The following REPS1 variants were observed in gnomAD, a reference collection of about 807,000 sequenced individuals.
REPS1 encodes ralBP1-associated Eps domain-containing protein 1.
Under a neutral mutation model 100.9 loss-of-function variants are expected in REPS1, and 39 were observed. That is an observed-to-expected ratio of 0.39 (90% CI 0.30 to 0.50). REPS1 has a LOEUF of 0.50. REPS1 is among the 20% of genes least tolerant of loss of function. The pLI is 0.86. For synonymous variants in REPS1, 324 were observed against 340.3 expected (o/e 0.95, Z 0.53); for missense variants, 821 against 968.5 (o/e 0.85, Z 2.02).
intron 8 of REPS1, among the ~76,000 whole-genome samples, 192 bp from the exon 9 acceptor site, chr6:138,930,290 C>T (rs1183649851): frequency 6.6e-6 from 1 of 152,042 alleles, no homozygotes; most frequent in Non-Finnish European, 1.5e-5. Context: ...ATGGTCTACT[C>T]AAAACCACAG....
In REPS1 at chr6:138,980,691, G is replaced by T. The variant is rs1409292802; in HGVS notation, c.153+6839C>A. Among the ~76,000 whole-genome samples the T allele has an allele frequency of 1.0e-4, 14 of 137,570 alleles. No homozygotes were observed. The South Asian group carries it at 3.0e-3, about 29-fold the overall frequency. The allele number at this position is 137,570 out of a possible 152,430, so 90.3% of individuals were successfully genotyped here. ...TTTTTTTTTGTGGGTGGGGCGGGGGGGGGGGGGAACGGAGACTTGCTCTGT... is the reference window on the plus strand; with the variant it reads ...TTTTTTTTTGTGGGTGGGGCGGGGGTGGGGGGGAACGGAGACTTGCTCTGT... On this transcript the variant is annotated intron_variant, in intron 1 of 19. Transcript: ENST00000450536.
intron 1 of REPS1, among the ~76,000 whole-genome samples, chr6:138,960,756 G>T (rs1401113698): frequency 6.6e-6 from 1 of 152,090 alleles, no homozygotes; most frequent in Non-Finnish European, 1.5e-5. Flanking sequence ...GTTGCTTAAA[G>T]GTTAATTTCA....
intron 14 of REPS1, chr6:138,915,247 C>A (rs1369744812): frequency 6.3e-6 from 1 of 159,286 alleles, no homozygotes; most frequent in African/African-American, 2.4e-5. Flanking sequence ...AGTTATGACT[C>A]TTCTTCTTCA....
intron 1 of REPS1, among the ~76,000 whole-genome samples, chr6:138,987,088 T>A: frequency 6.6e-6 from 1 of 152,228 alleles, no homozygotes. Flanking sequence ...CCTAAATCTA[T>A]AGAACTCACT....
At chr6:138,918,887 T>C (rs986355294) in intron 12 of REPS1, among the ~76,000 whole-genome samples, 2 of 152,164 alleles carry the variant, frequency 1.3e-5, no homozygotes. Context: ...CTAGAGACAA[T>C]CTGAAGGAAT....
rs1306200380 is a variant in REPS1, at chr6:138,905,146, A to G, written c.2323-14T>C. ...CTCAAGAACATCCTGAAAAAGATGC[A>G]AAGGCCAAGTTATGTTTCAAAGTAT... On this transcript the variant is annotated splice_polypyrimidine_tract_variant and intron_variant, in intron 19 of 19. Transcript: ENST00000450536. 6.6e-7 allele frequency: 1 copy of G among 1,505,434 alleles called. No individual in the cohort carries two copies. The highest frequency in any genetic ancestry group is 9.2e-7 in the Non-Finnish European group (1 of 1,081,186). The allele number at this position is 1,505,434 out of a possible 1,614,324, so 93.3% of individuals were successfully genotyped here.
intron 8 of REPS1, among the ~76,000 whole-genome samples, chr6:138,932,453 T>C (rs1781541982): frequency 7.4e-6 from 1 of 134,922 alleles, no homozygotes; most frequent in Non-Finnish European, 1.5e-5. Flanking sequence ...AGTTATTGTA[T>C]TCCTTACCCC....
chr6:138,969,883 T>G (rs1784238836), intron 1 of REPS1, among the ~76,000 whole-genome samples: 1 of 129,060 alleles, frequency 7.7e-6, no homozygotes, highest in African/African-American at 3.1e-5. Context: ...TTTTTTTTTT[T>G]TAGTAAGTAC....
At position 138,930,047 on chromosome 6, in the gene REPS1, G is replaced by T. The variant is rs1237264752; in HGVS notation, c.1187C>A (p.Ala396Asp). 1 of 1,613,384 alleles carries T rather than the reference G, an allele frequency of 6.2e-7. No homozygotes were observed. The highest frequency in any genetic ancestry group is 1.3e-5 in the African/African-American group (1 of 74,884). Residue 396 changes from alanine (A) to aspartate (D), a missense_variant, in exon 9 of 20, where the codon GCT becomes GAT. By Grantham distance (126) the Ala-to-Asp change is moderately radical (BLOSUM62 -2). This residue lies in a region of REPS1 where 757 missense variants were observed against 866.4 expected (regional missense o/e 0.87). Transcript: ENST00000450536. The stretch of plus-strand genomic sequence containing the variant: ...CATCGATGGTGACTTGCTTGGAGGA[G>T]CTTCAGCAGGAGAGCCTGAATAACC... ...EVGYSGSPAE[A>D]PPSKSPSMPS...
chr6:138,987,510 G>A lies in REPS1; in HGVS notation c.153+20C>T, dbSNP rs1389684534. On this transcript the variant is annotated intron_variant, in intron 1 of 19. Coordinates refer to ENST00000450536, the MANE Select transcript of REPS1 (RefSeq NM_001286611.2). ...GACTGCAGGCCTAAGCCGCCCGCCG[G>A]CCCCGGGACGCGACGTTACCTGTAG... is the stretch of plus-strand genomic sequence containing the variant. 6.5e-7 allele frequency: 1 copy of A among 1,543,724 alleles called. No individual in the cohort carries two copies. The highest frequency in any genetic ancestry group is 2.5e-5 in the East Asian group (1 of 40,150).
At chr6:138,927,919 T>C (rs1781242060) in intron 9 of REPS1, 1 of 152,228 alleles carries the variant, frequency 6.6e-6, no homozygotes, top group Admixed American at 6.5e-5. Context: ...ATTAACTAAC[T>C]GTGGAGAAAA....
intron 1 of REPS1, among the ~76,000 whole-genome samples, chr6:138,973,055 C>A (rs9399267): frequency 6.6e-6 from 1 of 151,878 alleles, no homozygotes; most frequent in African/African-American, 2.4e-5. Context: ...TAAAACTTAC[C>A]CTCAAATTTT....
intron 13 of REPS1, chr6:138,916,272 G>A (rs1033792660): frequency 2.9e-5 from 7 of 245,396 alleles, no homozygotes; most frequent in Non-Finnish European, 4.5e-5. Flanking sequence ...CCAGGCTGGA[G>A]TGCAGTGACA....
At chr6:138,922,004 T>TGTGTGTGTGA (rs765188933) in intron 10 of REPS1, among the ~76,000 whole-genome samples, 2 of 146,470 alleles carry the variant, frequency 1.4e-5, no homozygotes, top group African/African-American at 5.0e-5. Flanking sequence ...TGTGTGTGTG[T>TGTGTGTGTGA]GAGATTTACA....
Position 138,943,977 on chromosome 6 carries a change from A to G in REPS1, c.792T>C (p.Thr264=), listed in dbSNP as rs763569911. 3.8e-5 allele frequency: 61 copies of G among 1,613,856 alleles called. No individual in the cohort carries two copies. In the African/African-American group the frequency reaches 7.2e-4, roughly 19 times the overall value. ...TTVRTVASAT[T]AIEIRRQSSS... ...TGGATTGCCTACGAATTTCAATGGC[A>G]GTTGTAGCTGATGCTACAGTTCGTA... The change falls in exon 6 of 20, where the codon ACT becomes ACC. Residue 264 remains threonine (T), a synonymous_variant. Transcript: ENST00000450536.
chr6:138,912,765 C>A lies in REPS1; in HGVS notation c.1971G>T (p.Pro657=). ...DEAEKHPEVL[P]AEKASDPASS... ...ATTAGCCAAGCCCTCGAAAACTGAC[C>A]GGCAGGACTTCTGGATGTTTCTCGG... Residue 657 remains proline (P), a splice_region_variant and synonymous_variant, in exon 16 of 20, where the codon CCG becomes CCT. Coordinates refer to ENST00000450536, the MANE Select transcript of REPS1 (RefSeq NM_001286611.2). 1 of 1,614,078 alleles carries A rather than the reference C, an allele frequency of 6.2e-7. No individual in the cohort carries two copies. The highest frequency in any genetic ancestry group is 1.1e-5 in the South Asian group (1 of 91,066).
At chr6:138,934,796 G>T (rs770736902) in intron 8 of REPS1, among the ~76,000 whole-genome samples, 2 of 147,780 alleles carry the variant, frequency 1.4e-5, no homozygotes, top group African/African-American at 2.4e-5. Context: ...ATTCAATAAC[G>T]ATGGTTCAAT....
chr6:138,960,288 T>C (rs968099185), intron 1 of REPS1, among the ~76,000 whole-genome samples: 30 of 152,198 alleles, frequency 2.0e-4, no homozygotes, highest in African/African-American at 7.0e-4. Context: ...TGATTCTTAG[T>C]AATTTTGGTC....
intron 17 of REPS1, 98 bp from the exon 18 acceptor site, chr6:138,908,914 G>A (rs1779836612): frequency 8.9e-7 from 1 of 1,124,602 alleles, no homozygotes; most frequent in South Asian, 1.6e-5. Context: ...ATTTGCTCTT[G>A]GAAAATTGAA....
Sources: allele counts gnomAD v4.1 joint callset (sites outside exome capture counted in the v4.1 genomes callset), GRCh38; gene constraint gnomAD v4.1.1; regional missense constraint gnomAD v4.1.1; transcripts MANE v1.5; gene names NCBI Gene and HGNC (gene_info 2026-07-23, HGNC 2026-07-21).